RBFOX1: variants seen among roughly 807,000 people sequenced by gnomAD.
RBFOX1 encodes the protein RNA binding protein fox-1 homolog 1.
In RBFOX1, 8 loss-of-function variants were observed where a neutral mutation model predicts 57.7. The observed-to-expected ratio is 0.14, with a 90% confidence interval of 0.08 to 0.25. The LOEUF is 0.25. Among genes scored for constraint, RBFOX1 ranks in the 10% least tolerant of loss-of-function variants. The pLI, the probability that RBFOX1 is intolerant of heterozygous loss-of-function variation, is 1.00. For missense variants in RBFOX1, 611 were observed against 548.5 expected (o/e 1.11, Z -1.14); for synonymous variants, 326 against 222.4 (o/e 1.47, Z -4.15).
At chr16:7,041,019 G>A (rs756158437) in intron 3 of RBFOX1, among the ~76,000 whole-genome samples, 8 of 150,736 alleles carry the variant, frequency 5.3e-5, no homozygotes, top group Non-Finnish European at 1.2e-4. Flanking sequence ...GGGTTCAAGC[G>A]ATTCTCCTGC....
intron 7 of RBFOX1, among the ~76,000 whole-genome samples, chr16:7,593,710 G>A (rs2094554390): frequency 6.6e-6 from 1 of 151,912 alleles, no homozygotes; most frequent in Admixed American, 6.6e-5. Flanking sequence ...AGGATGTGTG[G>A]CCTGTATATA....
At chr16:5,275,799 A>G (rs992134369) in intron 1 of RBFOX1, among the ~76,000 whole-genome samples, 1 of 152,266 alleles carries the variant, frequency 6.6e-6, no homozygotes, top group Non-Finnish European at 1.5e-5. Flanking sequence ...TTACAAGGCT[A>G]TAGTGACCAA....
At chr16:7,196,376 C>G (rs763245401) in intron 4 of RBFOX1, among the ~76,000 whole-genome samples, 1 of 152,166 alleles carries the variant, frequency 6.6e-6, no homozygotes, top group Non-Finnish European at 1.5e-5. Context: ...CCCCCTCTCC[C>G]CAGCCCCATT....
intron 2 of RBFOX1, among the ~76,000 whole-genome samples, chr16:6,592,680 T>C (rs551178366): frequency 1.3e-5 from 2 of 152,184 alleles, no homozygotes; most frequent in Admixed American, 6.5e-5. Flanking sequence ...GTTTTGAAGC[T>C]CATAGTCCCC....
intron 4 of RBFOX1, among the ~76,000 whole-genome samples, chr16:7,508,364 G>C (rs1341042779): frequency 6.6e-6 from 1 of 152,098 alleles, no homozygotes; most frequent in South Asian, 2.1e-4. Flanking sequence ...GTCCGTCTTG[G>C]TCTTGTCTCT....
intron 1 of RBFOX1, among the ~76,000 whole-genome samples, chr16:6,286,623 A>G (rs1277551085): frequency 1.3e-5 from 2 of 152,092 alleles, no homozygotes; most frequent in African/African-American, 4.8e-5. Flanking sequence ...TACAGATCTG[A>G]CTTCTCCATA....
At chr16:6,353,838 G>C (rs1017317974) in intron 2 of RBFOX1, among the ~76,000 whole-genome samples, 2 of 152,150 alleles carry the variant, frequency 1.3e-5, no homozygotes, top group Non-Finnish European at 2.9e-5. Context: ...CACATGACAC[G>C]TTCCTGGGCT....
intron 6 of RBFOX1, among the ~76,000 whole-genome samples, chr16:7,582,048 G>A (rs1340685282): frequency 7.6e-6 from 1 of 131,150 alleles, no homozygotes; most frequent in African/African-American, 2.8e-5. Context: ...CCTTTTTTTT[G>A]TGACAAAGTC....
chr16:7,086,812 T>A (rs2060063480), intron 4 of RBFOX1, among the ~76,000 whole-genome samples: 1 of 152,144 alleles, frequency 6.6e-6, no homozygotes, highest in Non-Finnish European at 1.5e-5. Flanking sequence ...CACAGATTCA[T>A]GCTAGCAAGT....
intron 5 of RBFOX1, among the ~76,000 whole-genome samples, chr16:7,537,874 G>C (rs1047285568): frequency 3.9e-5 from 6 of 152,240 alleles, no homozygotes. Flanking sequence ...CATACATAAT[G>C]CATGAGGGGA....
At chr16:7,151,373 G>A (rs2076077485) in intron 4 of RBFOX1, among the ~76,000 whole-genome samples, 1 of 152,134 alleles carries the variant, frequency 6.6e-6, no homozygotes, top group African/African-American at 2.4e-5. Flanking sequence ...AATTAGGACT[G>A]CAAAAGATAT....
intron 1 of RBFOX1, among the ~76,000 whole-genome samples, chr16:5,287,561 C>A (rs2063427162): frequency 6.6e-6 from 1 of 152,152 alleles, no homozygotes; most frequent in African/African-American, 2.4e-5. Flanking sequence ...CTTAATACAA[C>A]AATCGTTTAT....
At chr16:7,394,250 A>G (rs2098101158) in intron 4 of RBFOX1, among the ~76,000 whole-genome samples, 1 of 150,600 alleles carries the variant, frequency 6.6e-6, no homozygotes, top group South Asian at 2.1e-4. Flanking sequence ...AAAAAAAAAA[A>G]AAAAAAAAAA....
At chr16:5,313,125 G>A (rs569564932) in intron 1 of RBFOX1, among the ~76,000 whole-genome samples, 23 of 152,250 alleles carry the variant, frequency 1.5e-4, no homozygotes, top group African/African-American at 2.2e-4. Context: ...GGTGGATACC[G>A]TTGCCCCCAC....
chr16:7,247,960 A>G (rs56165405), intron 4 of RBFOX1, among the ~76,000 whole-genome samples: 37,064 of 152,000 alleles, frequency 0.24, 5,291 homozygotes, highest in African/African-American at 0.4. Context: ...TACCTGGGTG[A>G]TGAAAAAATC....
chr16:5,669,761 G>A (rs2049961652), intron 3 of RBFOX1, among the ~76,000 whole-genome samples: 1 of 152,206 alleles, frequency 6.6e-6, no homozygotes, highest in Non-Finnish European at 1.5e-5. Context: ...AGAGCATGAT[G>A]AAAGAGATGG....
At chr16:6,466,040 T>A (rs1384393569) in intron 2 of RBFOX1, among the ~76,000 whole-genome samples, 1 of 151,872 alleles carries the variant, frequency 6.6e-6, no homozygotes, top group Non-Finnish European at 1.5e-5. Context: ...ACCAGCCTGG[T>A]CAACATGGTG....
intron 3 of RBFOX1, among the ~76,000 whole-genome samples, chr16:6,886,066 CTTTT>C (rs543955510): frequency 7.7e-6 from 1 of 129,066 alleles, no homozygotes; most frequent in Admixed American, 7.7e-5. Context: ...TTTTTTTTTT[CTTTT>C]TTTTTTTTTT....
At chr16:7,326,481 A>G (rs2096613642) in intron 4 of RBFOX1, among the ~76,000 whole-genome samples, 1 of 152,158 alleles carries the variant, frequency 6.6e-6, no homozygotes, top group Admixed American at 6.5e-5. Flanking sequence ...AGACAGACAG[A>G]GCTGCCATGA....
Sources: gnomAD v4.1 joint callset for allele counts (sites outside exome capture counted in the v4.1 genomes callset) on GRCh38, gnomAD v4.1.1 for gene constraint, MANE v1.5 for transcripts, NCBI Gene and HGNC (gene_info 2026-07-23, HGNC 2026-07-21) for gene names.